FBLN1: variants seen among roughly 807,000 people sequenced by gnomAD.
FBLN1 encodes fibulin-1.
FBLN1 carries 34 observed loss-of-function variants against 89.7 expected under a neutral mutation model. That is an observed-to-expected ratio of 0.38 (90% CI 0.29 to 0.50). The LOEUF (loss-of-function observed/expected upper bound fraction) is 0.50, where lower values mean the gene tolerates loss of function less well. FBLN1 is among the 20% of genes least tolerant of loss of function. The probability of loss-of-function intolerance (pLI) is 0.92; values close to 1 mark genes in which losing one functional copy is unlikely to be tolerated. For missense variants in FBLN1, 777 were observed against 988.1 expected, an observed-to-expected ratio of 0.79 and a Z score of 2.86; for synonymous variants, 393 against 391.3, an observed-to-expected ratio of 1.00 and a Z score of -0.05.
At chr22:45,503,648 G>T (rs2087978682) in intron 1 of FBLN1, among the ~76,000 whole-genome samples, 1 of 152,184 alleles carries the variant, frequency 6.6e-6, no homozygotes, top group South Asian at 2.1e-4. Context: ...GGGCGTAGCT[G>T]GGAGGATGGA....
At chr22:45,565,390 G>A in intron 14 of FBLN1, 2 of 826,428 alleles carry the variant, frequency 2.4e-6, no homozygotes, top group Non-Finnish European at 3.3e-6. Flanking sequence ...GGGGAGGCTT[G>A]CCCTTCCCTG....
At chr22:45,543,571 C>T in intron 11 of FBLN1, 45 bp downstream of exon 11, 2 of 1,604,134 alleles carry the variant, frequency 1.2e-6, no homozygotes, top group Non-Finnish European at 1.7e-6. Context: ...GGTCACCTTC[C>T]TCCTGGGGAA....
chr22:45,539,724 A>G (rs959975730), intron 8 of FBLN1, among the ~76,000 whole-genome samples: 2 of 152,288 alleles, frequency 1.3e-5, no homozygotes, highest in East Asian at 1.9e-4. Flanking sequence ...AACTCACCCT[A>G]TGCTTTACAT....
At position 45,568,790 on chromosome 22, in the gene FBLN1, A is replaced by G. The variant is rs62225037; in HGVS notation, c.1698-5721A>G. ...TCTGTAAGGGAATGCTCCTCCTGTA[A>G]GGGAATGCCTCTTCTGTAGGGGAAT... On this transcript the variant is annotated intron_variant, in intron 14 of 16. Transcript: ENST00000327858. Among the ~76,000 whole-genome samples the G allele has an allele frequency of 3.9e-3, 89 of 22,718 alleles. 5 individuals are homozygous for G. The highest frequency in any genetic ancestry group is 9.0e-3 in the African/African-American group (40 of 4,440). The allele number at this position is 22,718 out of a possible 152,430, so 14.9% of individuals were successfully genotyped here. A position where few individuals can be genotyped will look rare whatever the true frequency, so the allele number is the denominator to read the frequency against.
intron 1 of FBLN1, among the ~76,000 whole-genome samples, chr22:45,511,718 A>G (rs970887879): frequency 7.9e-5 from 12 of 151,942 alleles, no homozygotes; most frequent in African/African-American, 2.9e-4. Context: ...CAAAGTGCTG[A>G]GATTACACCC....
chr22:45,559,084 G>T (rs2088823329), intron 14 of FBLN1, among the ~76,000 whole-genome samples: 1 of 152,248 alleles, frequency 6.6e-6, no homozygotes, highest in African/African-American at 2.4e-5. Flanking sequence ...TGACAGTGAA[G>T]GTATATTGCT....
At chr22:45,552,464 C>T (rs1455299323) in intron 14 of FBLN1, among the ~76,000 whole-genome samples, 1 of 152,218 alleles carries the variant, frequency 6.6e-6, no homozygotes, top group Non-Finnish European at 1.5e-5. Flanking sequence ...ACTGCTAACC[C>T]CTCAGACTGG....
In FBLN1 at chr22:45,583,664, G is replaced by A. The variant is rs1417022597; in HGVS notation, c.1972+6556G>A. Among the ~76,000 whole-genome samples, 1 of 152,198 alleles carries A rather than the reference G, an allele frequency of 6.6e-6. No homozygotes were observed. Among genetic ancestry groups the A allele is most frequent in the East Asian group, 1.9e-4 (1 of 5,194 alleles). On this transcript the variant is annotated intron_variant, in intron 16 of 16. Transcript: ENST00000327858. This position sits in a 1 kb window ranked among gnomAD's most constrained non-coding sequence, Gnocchi z 4.5. ...CTGGGTTTTGGTGTGCCAGTCAGGTGAGACGCAGAGAAGACAGCACAATCA... is the reference window on the plus strand; with the variant it reads ...CTGGGTTTTGGTGTGCCAGTCAGGTAAGACGCAGAGAAGACAGCACAATCA...
Position 45,550,750 on chromosome 22 carries a change from T to C in FBLN1, c.1697+135T>C. 1 of 1,295,360 alleles carries C rather than the reference T, an allele frequency of 7.7e-7. No individual in the cohort carries two copies. Among genetic ancestry groups the C allele is most frequent in the Non-Finnish European group, 1.1e-6 (1 of 901,194 alleles). The allele number at this position is 1,295,360 out of a possible 1,614,324, so 80.2% of individuals were successfully genotyped here. On this transcript the variant is annotated intron_variant, in intron 14 of 16. Coordinates refer to ENST00000327858, the MANE Select transcript of FBLN1 (RefSeq NM_006486.3). The surrounding 1 kb of genome is among the most constrained non-coding windows in gnomAD (Gnocchi z 8.4). ...GGACTCAGGGCACTCAAAGATCACC[T>C]GATCCCTGGCCCTCAAGCCCCTAAA...
Position 45,576,883 on chromosome 22 carries a change from CT to C in FBLN1, c.1841-92del. 6.6e-7 allele frequency: 1 copy of C among 1,504,546 alleles called. No homozygotes were observed. The highest frequency in any genetic ancestry group is 9.1e-7 in the Non-Finnish European group (1 of 1,095,822). 93.2% of individuals were successfully genotyped at this position (1,504,546 alleles called of 1,614,324 possible). On this transcript the variant is annotated intron_variant, in intron 15 of 16. Coordinates refer to ENST00000327858, the MANE Select transcript of FBLN1 (RefSeq NM_006486.3). The surrounding 1 kb of genome is among the most constrained non-coding windows in gnomAD (Gnocchi z 5.2). ...CTCATGAAAGGGCCCTGGGTTAGGT[CT>C]TCATTCCCCAAGGGTGAGTTCCTGG...
intron 2 of FBLN1, among the ~76,000 whole-genome samples, chr22:45,519,206 C>A (rs922741921): frequency 1.3e-5 from 2 of 152,360 alleles, no homozygotes; most frequent in South Asian, 4.1e-4. Context: ...CAGAGTGAAG[C>A]GTTCCACCAG....
intron 16 of FBLN1, among the ~76,000 whole-genome samples, chr22:45,596,130 A>G (rs1159796892): frequency 3.9e-5 from 6 of 152,330 alleles, no homozygotes; most frequent in East Asian, 3.9e-4. Context: ...CGGCCTCCCA[A>G]AGTGCCGGGA....
chr22:45,581,180 A>G lies in FBLN1; in HGVS notation c.1972+4072A>G, dbSNP rs2089038952. Among the ~76,000 whole-genome samples the G allele has an allele frequency of 6.6e-6, 1 of 152,152 alleles. No homozygotes were observed. Among genetic ancestry groups the G allele is most frequent in the South Asian group, 2.1e-4 (1 of 4,826 alleles). On this transcript the variant is annotated intron_variant, in intron 16 of 16. Coordinates refer to ENST00000327858, the MANE Select transcript of FBLN1 (RefSeq NM_006486.3). The surrounding 1 kb of genome is among the most constrained non-coding windows in gnomAD (Gnocchi z 7.6). ...CAGCAGGGGCGGGCTGTGTATCATCAGCGTGCGGAAGAGAGAGACAGAAAG... is the reference window on the plus strand; with the variant it reads ...CAGCAGGGGCGGGCTGTGTATCATCGGCGTGCGGAAGAGAGAGACAGAAAG...
Position 45,583,995 on chromosome 22 carries a change from T to C in FBLN1, c.1972+6887T>C, listed in dbSNP as rs1156599729. Reference sequence around the variant, plus strand: ...CACTATCGATGTAGGTGTGAGGGTCTTTGGGTTGTATCCAGCTGTCCCATA... The same window carrying C: ...CACTATCGATGTAGGTGTGAGGGTCCTTGGGTTGTATCCAGCTGTCCCATA... On this transcript the variant is annotated intron_variant, in intron 16 of 16. Coordinates refer to ENST00000327858, the MANE Select transcript of FBLN1 (RefSeq NM_006486.3). This position sits in a 1 kb window ranked among gnomAD's most constrained non-coding sequence, Gnocchi z 4.5. Among the ~76,000 whole-genome samples the C allele has an allele frequency of 6.6e-6, 1 of 152,128 alleles. No individual in the cohort carries two copies. The highest frequency in any genetic ancestry group is 1.5e-5 in the Non-Finnish European group (1 of 68,032).
rs376062635 is a variant in FBLN1 at position 45,582,005 on chromosome 22, C to T, written c.1972+4897C>T. On this transcript the variant is annotated intron_variant, in intron 16 of 16. Transcript: ENST00000327858. Reference sequence around the variant, plus strand: ...TGCTGCCCATGGAGCTTCCAGATCCCGCTGCTTTATTTAACCCACTGGGCC... The same window carrying T: ...TGCTGCCCATGGAGCTTCCAGATCCTGCTGCTTTATTTAACCCACTGGGCC... Among the ~76,000 whole-genome samples the T allele has an allele frequency of 3.9e-5, 6 of 152,132 alleles. No homozygotes were observed. The East Asian group carries it at 5.8e-4, about 15-fold the overall frequency.
rs969526751 is a variant in FBLN1 at position 45,580,119 on chromosome 22, G to A, written c.1972+3011G>A. Among the ~76,000 whole-genome samples, 1 of 152,164 alleles carries A rather than the reference G, an allele frequency of 6.6e-6. No homozygotes were observed. The highest frequency in any genetic ancestry group is 1.5e-5 in the Non-Finnish European group (1 of 68,042). On this transcript the variant is annotated intron_variant, in intron 16 of 16. Transcript: ENST00000327858. This position sits in a 1 kb window ranked among gnomAD's most constrained non-coding sequence, Gnocchi z 8.6. ...GAGTTAAATGACCGCCTGAGACTGT[G>A]CAACTGAAAAACTGCAGGGCCTGGG...
chr22:45,547,829 G>A (rs1464182901), intron 12 of FBLN1, among the ~76,000 whole-genome samples: 1 of 152,140 alleles, frequency 6.6e-6, no homozygotes, highest in East Asian at 1.9e-4. Flanking sequence ...ACCTTGGGCC[G>A]CATATCTCAG....
chr22:45,554,444 C>G (rs1485564356), intron 14 of FBLN1, among the ~76,000 whole-genome samples: 6 of 152,182 alleles, frequency 3.9e-5, no homozygotes. Context: ...TGGGCCCCTC[C>G]CAGGCAGGAC....
At position 45,593,026 on chromosome 22, in the gene FBLN1, G is replaced by T. The variant is rs563368664; in HGVS notation, c.1973-7281G>T. Among the ~76,000 whole-genome samples, 7 of 152,266 alleles carry T rather than the reference G, an allele frequency of 4.6e-5. No individual in the cohort carries two copies. The South Asian group carries it at 1.4e-3, about 32-fold the overall frequency. On this transcript the variant is annotated intron_variant, in intron 16 of 16. Transcript: ENST00000327858. ...GCCTCACGTTGGAGGCTGCACTTTA[G>T]AAGGGAAGATGACGTGCCCAAGGTC...
Sources: allele counts gnomAD v4.1 joint callset (sites outside exome capture counted in the v4.1 genomes callset), GRCh38; gene constraint gnomAD v4.1.1; non-coding constraint Gnocchi (gnomAD v3.1); transcripts MANE v1.5; gene names NCBI Gene and HGNC (gene_info 2026-07-23, HGNC 2026-07-21).